The following NF1 variants were observed in gnomAD, a reference collection of about 807,000 sequenced individuals.
NF1 encodes the protein neurofibromin.
NF1 carries 122 observed loss-of-function variants against 325.7 expected under a neutral mutation model. That is an observed-to-expected ratio of 0.37 (90% CI 0.32 to 0.44). NF1 has a LOEUF of 0.44. Among genes scored for constraint, NF1 ranks in the 20% least tolerant of loss-of-function variants. The pLI, the probability that NF1 is intolerant of heterozygous loss-of-function variation, is 1.00. For missense variants in NF1, 2,140 were observed against 3,415.4 expected (o/e 0.63, Z 9.31); for synonymous variants, 1,091 against 1,186.0 (o/e 0.92, Z 1.65).
At chr17:31,133,055 G>A (rs916699853) in intron 1 of NF1, 1 of 152,130 alleles carries the variant, frequency 6.6e-6, no homozygotes, top group African/African-American at 2.4e-5. Context: ...GTAGTATTAA[G>A]TACATTCACC....
At chr17:31,273,585 A>G (rs1225134401) in intron 36 of NF1, 1 of 152,122 alleles carries the variant, frequency 6.6e-6, no homozygotes, top group Non-Finnish European at 1.5e-5. Flanking sequence ...ACCTTTTGAT[A>G]TTTTTCTTTG....
At chr17:31,137,376 C>T (rs1915855626) in intron 1 of NF1, 1 of 152,130 alleles carries the variant, frequency 6.6e-6, no homozygotes, top group African/African-American at 2.4e-5. Flanking sequence ...TCTGGTACAA[C>T]TTTTTGTGTC....
intron 1 of NF1, among the ~76,000 whole-genome samples, chr17:31,128,876 A>T (rs944331677): frequency 6.6e-6 from 1 of 151,908 alleles, no homozygotes; most frequent in Non-Finnish European, 1.5e-5. Flanking sequence ...CAGTGAGCCT[A>T]GATCGCGCCA....
At chr17:31,217,694 G>A in intron 13 of NF1, among the ~76,000 whole-genome samples, 1 of 151,716 alleles carries the variant, frequency 6.6e-6, no homozygotes, top group East Asian at 1.9e-4. Flanking sequence ...GCAGGGCGTG[G>A]TCGCTCACAT....
chr17:31,140,828 C>G (rs1436516498), intron 1 of NF1, among the ~76,000 whole-genome samples: 3 of 152,088 alleles, frequency 2.0e-5, no homozygotes, highest in African/African-American at 7.2e-5. Context: ...GGACCTTATG[C>G]TAAGTGAAAT....
intron 5 of NF1, among the ~76,000 whole-genome samples, chr17:31,178,391 C>T (rs537329432): frequency 2.0e-4 from 31 of 152,346 alleles, no homozygotes; most frequent in Admixed American, 1.6e-3. Flanking sequence ...AAAGGAACAA[C>T]TGGTACCAAC....
chr17:31,107,555 G>A (rs746877656), intron 1 of NF1, among the ~76,000 whole-genome samples: 7 of 151,566 alleles, frequency 4.6e-5, no homozygotes, highest in Non-Finnish European at 8.8e-5. Flanking sequence ...ATGAGCCACC[G>A]TGCCCAACCG....
At chr17:31,306,584 T>G (rs1767916419) in intron 36 of NF1, among the ~76,000 whole-genome samples, 2 of 152,152 alleles carry the variant, frequency 1.3e-5, no homozygotes, top group South Asian at 4.1e-4. Flanking sequence ...TGAAGCATCC[T>G]TAGTGTCTCT....
chr17:31,313,419 T>C (rs544685448), intron 36 of NF1, among the ~76,000 whole-genome samples: 1 of 152,116 alleles, frequency 6.6e-6, no homozygotes, highest in Admixed American at 6.6e-5. Context: ...CAAATATGAT[T>C]GTGGCTGGGA....
intron 48 of NF1, chr17:31,346,284 A>C: frequency 7.3e-7 from 1 of 1,366,070 alleles, no homozygotes; most frequent in East Asian, 2.5e-5. Context: ...TAGCTGAGGT[A>C]GCTTGCAGCA....
chr17:31,260,521 AT>A lies in NF1; in HGVS notation c.4577+9del, dbSNP rs772339679. On this transcript the variant is annotated splice_region_variant and intron_variant, in intron 34 of 57. Coordinates refer to ENST00000358273, the MANE Select transcript of NF1 (RefSeq NM_001042492.3). ...CAGTATCTTTCCAGCAACAGGTAAG[AT>A]TTCCCAGTCATGGGGATAGTGAACA... is the stretch of plus-strand genomic sequence containing the variant. The A allele has an allele frequency of 2.5e-5, 41 of 1,613,666 alleles. No homozygotes were observed. The highest frequency in any genetic ancestry group is 3.2e-5 in the Non-Finnish European group (38 of 1,179,916).
At chr17:31,317,166 G>A (rs546367698) in intron 36 of NF1, among the ~76,000 whole-genome samples, 14 of 152,026 alleles carry the variant, frequency 9.2e-5, no homozygotes, top group African/African-American at 1.9e-4. Flanking sequence ...GCCCAGTAAG[G>A]GATGAGATTT....
At chr17:31,167,675 C>G (rs2953016) in intron 4 of NF1, among the ~76,000 whole-genome samples, 91,166 of 152,032 alleles carry the variant, frequency 0.6, 31,359 homozygotes, top group Middle Eastern at 0.78. Context: ...TTAGCAATAC[C>G]AACTTTTGAA....
chr17:31,188,901 C>T (rs755252458), intron 8 of NF1, among the ~76,000 whole-genome samples: 1 of 152,194 alleles, frequency 6.6e-6, no homozygotes, highest in African/African-American at 2.4e-5. Flanking sequence ...TTGCTCCTCA[C>T]CCTGCAGACA....
chr17:31,360,433 TG>T, intron 56 of NF1, 53 bp from the exon 57 acceptor site: 1 of 1,495,694 alleles, frequency 6.7e-7, no homozygotes, highest in Non-Finnish European at 9.3e-7. Flanking sequence ...TGGCTTCAGA[TG>T]GGGATTTACT....
rs1359563939 is a variant in NF1 at position 31,349,210 on chromosome 17, A to G, written c.7280A>G (p.Asp2427Gly). Residue 2427 changes from aspartate to glycine, a missense_variant, in exon 49 of 58, where the codon GAC becomes GGC. By Grantham distance (94) the Asp-to-Gly change is moderately conservative (BLOSUM62 -1). Transcript: ENST00000358273. ...CTGGTTAACAAACACAGAAATTGTGACAAATTTGAAGTGAATACACAGAGC... is the reference window on the plus strand; with the variant it reads ...CTGGTTAACAAACACAGAAATTGTGGCAAATTTGAAGTGAATACACAGAGC... ...LTLVNKHRNC[D>G]KFEVNTQSVA... The G allele has an allele frequency of 6.2e-7, 1 of 1,613,510 alleles. No individual in the cohort carries two copies. The highest frequency in any genetic ancestry group is 1.3e-5 in the African/African-American group (1 of 74,916).
chr17:31,286,998 C>G (rs1283629794), intron 36 of NF1, among the ~76,000 whole-genome samples: 1 of 152,138 alleles, frequency 6.6e-6, no homozygotes, highest in Non-Finnish European at 1.5e-5. Flanking sequence ...TGAAAAACTG[C>G]GTTTCCTGGT....
At chr17:31,329,511 C>T (rs1597834011) in intron 38 of NF1, among the ~76,000 whole-genome samples, 1 of 152,152 alleles carries the variant, frequency 6.6e-6, no homozygotes, top group Non-Finnish European at 1.5e-5. Context: ...CTGACAGTTA[C>T]TGAACAAACT....
At chr17:31,304,596 C>G in intron 36 of NF1, 3 of 1,614,094 alleles carry the variant, frequency 1.9e-6, no homozygotes, top group Non-Finnish European at 2.5e-6. Context: ...GTGGTGGAGG[C>G]AGATCTGCAT....
Sources: gnomAD v4.1 joint callset for allele counts (sites outside exome capture counted in the v4.1 genomes callset) on GRCh38, gnomAD v4.1.1 for gene constraint, MANE v1.5 for transcripts, NCBI Gene and HGNC (gene_info 2026-07-23, HGNC 2026-07-21) for gene names.